Variants in MARCHF5 observed in about 807,000 individuals in gnomAD.
MARCHF5 encodes the protein E3 ubiquitin-protein ligase MARCHF5.
A neutral mutation model predicts 36.5 loss-of-function variants in MARCHF5; 5 were observed. The ratio of observed to expected loss-of-function variants is 0.14; its 90% CI spans 0.07 to 0.29. The LOEUF (loss-of-function observed/expected upper bound fraction) is 0.29. MARCHF5 is among the 10% of genes least tolerant of loss of function. MARCHF5 has a pLI of 1.00. For missense variants in MARCHF5, 179 were observed against 336.3 expected (o/e 0.53, Z 3.66); for synonymous variants, 103 against 109.9 (o/e 0.94, Z 0.39).
chr10:92,309,490 A>C (rs1311418680), intron 1 of MARCHF5, among the ~76,000 whole-genome samples: 1 of 152,218 alleles, frequency 6.6e-6, no homozygotes, highest in Non-Finnish European at 1.5e-5. Context: ...ATTCTTATTT[A>C]CGTTTGTGTT....
chr10:92,303,172 A>G (rs1843035776), intron 1 of MARCHF5, among the ~76,000 whole-genome samples: 1 of 152,208 alleles, frequency 6.6e-6, no homozygotes, highest in South Asian at 2.1e-4. Flanking sequence ...TACTTTAAAA[A>G]TAATTAACCT....
intron 2 of MARCHF5, among the ~76,000 whole-genome samples, chr10:92,316,516 C>T: frequency 6.6e-6 from 1 of 152,146 alleles, no homozygotes; most frequent in Non-Finnish European, 1.5e-5. Context: ...ATGCAGAACA[C>T]CACCCCCTTC....
intron 2 of MARCHF5, among the ~76,000 whole-genome samples, chr10:92,314,970 A>G (rs1412858344): frequency 3.9e-5 from 6 of 152,222 alleles, no homozygotes; most frequent in African/African-American, 7.2e-5. Flanking sequence ...GTTATTAACA[A>G]TGACTCAAGC....
intron 2 of MARCHF5, among the ~76,000 whole-genome samples, chr10:92,327,672 T>C (rs913619221): frequency 6.6e-6 from 1 of 152,238 alleles, no homozygotes; most frequent in Non-Finnish European, 1.5e-5. Context: ...GCCAACATGC[T>C]GCTATCAATA....
intron 2 of MARCHF5, among the ~76,000 whole-genome samples, chr10:92,331,665 G>A (rs887162772): frequency 6.6e-5 from 10 of 151,570 alleles, no homozygotes; most frequent in Non-Finnish European, 1.2e-4. Context: ...CTTAGTAGTT[G>A]ACCTTACAGC....
At chr10:92,317,774 A>G (rs1843230546) in intron 2 of MARCHF5, among the ~76,000 whole-genome samples, 1 of 143,444 alleles carries the variant, frequency 7.0e-6, no homozygotes, top group South Asian at 2.2e-4. Flanking sequence ...TTTTTGAGGC[A>G]CAGTCTCGCT....
intron 1 of MARCHF5, among the ~76,000 whole-genome samples, chr10:92,300,540 A>G (rs1843000257): frequency 1.3e-5 from 2 of 151,864 alleles, no homozygotes; most frequent in Admixed American, 1.3e-4. Context: ...GTCCTTCAGG[A>G]CACTCACCAT....
intron 2 of MARCHF5, among the ~76,000 whole-genome samples, chr10:92,335,546 GAGAAA>G (rs1843492050): frequency 1.3e-5 from 2 of 152,166 alleles, no homozygotes; most frequent in Admixed American, 1.3e-4. Context: ...GTAAACTTAA[GAGAAA>G]AGCCAAGACA....
chr10:92,319,398 C>T (rs1209687675), intron 2 of MARCHF5, among the ~76,000 whole-genome samples: 1 of 150,630 alleles, frequency 6.6e-6, no homozygotes, highest in East Asian at 2.0e-4. Flanking sequence ...CGGGTTCACG[C>T]CATTCTCCTG....
intron 2 of MARCHF5, among the ~76,000 whole-genome samples, chr10:92,320,692 A>G: frequency 6.6e-6 from 1 of 152,136 alleles, no homozygotes; most frequent in South Asian, 2.1e-4. Context: ...TTTTCGCACA[A>G]CTGTACAATA....
In MARCHF5 at chr10:92,351,227, T is replaced by C. The variant is rs1287880343; in HGVS notation, c.*20T>C. 7.1e-7 allele frequency: 1 copy of C among 1,407,228 alleles called. No homozygotes were observed. The highest frequency in any genetic ancestry group is 1.7e-5 in the Admixed American group (1 of 58,430). 87.2% of individuals were successfully genotyped at this position (1,407,228 alleles called of 1,614,324 possible). ...GCATAAAACTGACTTCTGGTTGTTC[T>C]GCAGTTCTCTCATCCTTATGAATCT... On this transcript the variant is annotated 3_prime_UTR_variant, in exon 6 of 6. Coordinates refer to ENST00000358935, the MANE Select transcript of MARCHF5 (RefSeq NM_017824.5).
intron 2 of MARCHF5, among the ~76,000 whole-genome samples, chr10:92,313,212 C>T (rs530469710): frequency 1.4e-4 from 21 of 151,282 alleles, no homozygotes; most frequent in Admixed American, 7.9e-4. Flanking sequence ...CAAGCCTGGG[C>T]GACAGAGCCG....
chr10:92,294,427 C>T (rs1353648498), intron 1 of MARCHF5, among the ~76,000 whole-genome samples: 1 of 152,124 alleles, frequency 6.6e-6, no homozygotes, highest in African/African-American at 2.4e-5. Flanking sequence ...GGCCATTTTT[C>T]CCCCATCTAC....
intron 2 of MARCHF5, among the ~76,000 whole-genome samples, chr10:92,314,596 C>T (rs777640661): frequency 1.5e-4 from 22 of 151,676 alleles, no homozygotes; most frequent in Non-Finnish European, 2.2e-4. Context: ...GAGCCAAGCT[C>T]ACACCATTGC....
intron 2 of MARCHF5, among the ~76,000 whole-genome samples, chr10:92,312,881 T>TA: frequency 6.6e-6 from 1 of 152,284 alleles, no homozygotes; most frequent in South Asian, 2.1e-4. Context: ...TTCTAGGAAA[T>TA]ATGTTTTCAG....
intron 2 of MARCHF5, among the ~76,000 whole-genome samples, chr10:92,326,637 T>C (rs890498035): frequency 6.6e-6 from 1 of 152,158 alleles, no homozygotes; most frequent in African/African-American, 2.4e-5. Context: ...GACAAGTGTA[T>C]TGCCAAAAAA....
intron 1 of MARCHF5, chr10:92,308,442 C>T (rs541509357): frequency 4.6e-5 from 7 of 152,186 alleles, no homozygotes; most frequent in Admixed American, 2.0e-4. Flanking sequence ...TTGTGCTGAC[C>T]TCATATATCA....
intron 1 of MARCHF5, among the ~76,000 whole-genome samples, chr10:92,296,785 T>C (rs1236626184): frequency 6.6e-6 from 1 of 152,144 alleles, no homozygotes; most frequent in Non-Finnish European, 1.5e-5. Context: ...CCCACAATGG[T>C]ATAGTGAATT....
intron 2 of MARCHF5, among the ~76,000 whole-genome samples, chr10:92,326,267 GT>G (rs1227023936): frequency 3.3e-5 from 5 of 151,974 alleles, no homozygotes; most frequent in Non-Finnish European, 7.4e-5. Flanking sequence ...TCCATTCTCT[GT>G]TTCATTCTAG....
Sources: gnomAD v4.1 joint callset for allele counts (sites outside exome capture counted in the v4.1 genomes callset) on GRCh38, gnomAD v4.1.1 for gene constraint, MANE v1.5 for transcripts, NCBI Gene and HGNC (gene_info 2026-07-23, HGNC 2026-07-21) for gene names.